Variants in NUP210 observed in about 807,000 individuals in gnomAD.
NUP210 encodes the protein nucleoporin 210, also known as nuclear pore membrane glycoprotein 210.
NUP210 carries 151 observed loss-of-function variants against 196.0 expected under a neutral mutation model. The ratio of observed to expected loss-of-function variants is 0.77; its 90% CI spans 0.67 to 0.88. The LOEUF (loss-of-function observed/expected upper bound fraction) is 0.88. Ranked by LOEUF, NUP210 falls within the 40% of genes least tolerant of loss-of-function variation. The pLI, the probability that NUP210 is intolerant of heterozygous loss-of-function variation, is 0.00. For missense variants in NUP210, 2,314 were observed against 2,493.7 expected, an observed-to-expected ratio of 0.93 and a Z score of 1.53; for synonymous variants, 1,070 against 1,052.7, an observed-to-expected ratio of 1.02 and a Z score of -0.32.
chr3:13,378,761 G>T, intron 8 of NUP210, 151 bp downstream of exon 8: 1 of 645,350 alleles, frequency 1.5e-6, no homozygotes, highest in Non-Finnish European at 2.8e-6. Flanking sequence ...GGAAGGGCTG[G>T]TGAGTGCCCT....
chr3:13,328,011 G>C (rs977255006), intron 31 of NUP210, among the ~76,000 whole-genome samples: 1 of 152,206 alleles, frequency 6.6e-6, no homozygotes, highest in South Asian at 2.1e-4. Flanking sequence ...TGACAGTTTG[G>C]GTTAGGGATC....
At chr3:13,384,920 T>G (rs1224643061) in intron 6 of NUP210, among the ~76,000 whole-genome samples, 1 of 152,180 alleles carries the variant, frequency 6.6e-6, no homozygotes, top group East Asian at 1.9e-4. Context: ...AACATCGGGC[T>G]CTGACCAGGA....
chr3:13,412,884 T>C (rs796626075), intron 1 of NUP210, among the ~76,000 whole-genome samples: 1 of 151,620 alleles, frequency 6.6e-6, no homozygotes, highest in South Asian at 2.1e-4. Context: ...GGCAGGAGAA[T>C]GGCGTGAACC....
rs769193205 is a variant in NUP210, at chr3:13,420,262, G to A, written c.-36C>T. The A allele has an allele frequency of 2.0e-5, 21 of 1,053,964 alleles. No individual in the cohort carries two copies. The highest frequency in any genetic ancestry group is 2.4e-5 in the Non-Finnish European group (21 of 875,654). The allele number at this position is 1,053,964 out of a possible 1,614,324, so 65.3% of individuals were successfully genotyped here. ...CGTCACCTCCCGCGACCCTGCGCCC[G>A]GCCGCCCGCGCCGCCCCGTTGCCCT... On this transcript the variant is annotated 5_prime_UTR_variant, in exon 1 of 40. Transcript: ENST00000254508. The surrounding 1 kb of genome is among the most constrained non-coding windows in gnomAD (Gnocchi z 4.8).
intron 1 of NUP210, among the ~76,000 whole-genome samples, chr3:13,418,743 G>C (rs1415073876): frequency 6.6e-6 from 1 of 151,734 alleles, no homozygotes; most frequent in African/African-American, 2.4e-5. Flanking sequence ...GACAGAGATC[G>C]CGCCATTGCA....
At position 13,330,621 on chromosome 3, in the gene NUP210, A is replaced by AG. The variant is rs1255843527; in HGVS notation, c.3948dup (p.Ser1317LeufsTer19). ...CCATCCAGGACGCGGTAGCTCAGAG[A>AG]GGCTGCACCATCCCTTTGGAAAACA... On this transcript the variant is annotated frameshift_variant, in exon 30 of 40. Transcript: ENST00000254508. LOFTEE classifies it high-confidence loss of function. 1 of 1,614,008 alleles carries AG rather than the reference A, an allele frequency of 6.2e-7. No homozygotes were observed. The highest frequency in any genetic ancestry group is 1.7e-4 in the Middle Eastern group (1 of 6,048).
At chr3:13,386,074 A>G (rs527848508) in intron 6 of NUP210, among the ~76,000 whole-genome samples, 4 of 152,348 alleles carry the variant, frequency 2.6e-5, no homozygotes, top group Middle Eastern at 3.4e-3. Flanking sequence ...GTGTTTAACA[A>G]TGCAGAGCTT....
chr3:13,337,286 G>A (rs1234089805), intron 26 of NUP210, among the ~76,000 whole-genome samples: 1 of 152,162 alleles, frequency 6.6e-6, no homozygotes, highest in Non-Finnish European at 1.5e-5. Flanking sequence ...CCTGCTCACA[G>A]GGCACGTGTG....
intron 36 of NUP210, among the ~76,000 whole-genome samples, chr3:13,321,176 T>C (rs1696513998): frequency 6.6e-6 from 1 of 152,244 alleles, no homozygotes; most frequent in Non-Finnish European, 1.5e-5. Context: ...TCCCACCCCG[T>C]GACTTAGTCA....
rs114914730 is a variant in NUP210 at position 13,414,559 on chromosome 3, C to A, written c.167+5501G>T. Among the ~76,000 whole-genome samples the A allele has an allele frequency of 8.4e-3, 1,282 of 152,314 alleles. 19 individuals are homozygous for A. The highest frequency in any genetic ancestry group is 0.029 in the African/African-American group (1,217 of 41,574). ...CTTCCTGTCTCCTAACCACAGCCCACAAGGTCCCACATGGCCCCGCCCTGC... is the reference window on the plus strand; with the variant it reads ...CTTCCTGTCTCCTAACCACAGCCCAAAAGGTCCCACATGGCCCCGCCCTGC... On this transcript the variant is annotated intron_variant, in intron 1 of 39. Coordinates refer to ENST00000254508, the MANE Select transcript of NUP210 (RefSeq NM_024923.4).
intron 1 of NUP210, among the ~76,000 whole-genome samples, chr3:13,406,483 G>T (rs1700006170): frequency 6.6e-6 from 1 of 152,154 alleles, no homozygotes; most frequent in Non-Finnish European, 1.5e-5. Flanking sequence ...TCAAAACCGG[G>T]TCTGGAGACA....
intron 2 of NUP210, 97 bp from the exon 3 acceptor site, chr3:13,397,585 G>T (rs895947463): frequency 1.5e-6 from 2 of 1,319,696 alleles, no homozygotes; most frequent in Non-Finnish European, 2.0e-6. Flanking sequence ...AAAGACCACG[G>T]CAACCACCAG....
intron 3 of NUP210, 68 bp downstream of exon 3, chr3:13,397,289 C>CCAGAG (rs1699689427): frequency 1.3e-6 from 2 of 1,557,438 alleles, no homozygotes; most frequent in Middle Eastern, 4.5e-4. Context: ...TGCAGAGAGG[C>CCAGAG]CAGAGTCATG....
chr3:13,321,960 T>C (rs1696548805), intron 35 of NUP210, 125 bp from the exon 36 acceptor site: 5 of 1,366,732 alleles, frequency 3.7e-6, no homozygotes, highest in Non-Finnish European at 5.0e-6. Flanking sequence ...AGAAGTCACC[T>C]CCTCCAGGAG....
chr3:13,336,302 C>T (rs919226249), intron 27 of NUP210, among the ~76,000 whole-genome samples: 3 of 152,208 alleles, frequency 2.0e-5, no homozygotes, highest in Non-Finnish European at 4.4e-5. Flanking sequence ...GTACCATTTC[C>T]CCACTGGCTT....
At position 13,319,104 on chromosome 3, in the gene NUP210, G is replaced by T. The variant is rs199653431; in HGVS notation, c.5531C>A (p.Thr1844Lys). The T allele has an allele frequency of 3.1e-6, 5 of 1,608,272 alleles. No homozygotes were observed. The highest frequency in any genetic ancestry group is 3.4e-6 in the Non-Finnish European group (4 of 1,177,882). The change falls in exon 39 of 40, where the codon ACG becomes AAG. Residue 1844 changes from threonine (T) to lysine (K), a missense_variant. By Grantham distance (78) the Thr-to-Lys change is moderately conservative. Coordinates refer to ENST00000254508, the MANE Select transcript of NUP210 (RefSeq NM_024923.4). ...PRDLAVPAAL[T>K]PRASPGHSPH... Reference sequence around the variant, plus strand: ...GCTGTGTCCAGGGCTGGCTCGAGGCGTGAGGGCTGCAGGCACAGCAAGATC... The same window carrying T: ...GCTGTGTCCAGGGCTGGCTCGAGGCTTGAGGGCTGCAGGCACAGCAAGATC...
intron 1 of NUP210, among the ~76,000 whole-genome samples, chr3:13,418,943 C>T (rs1447393770): frequency 8.2e-6 from 1 of 122,022 alleles, no homozygotes; most frequent in East Asian, 2.3e-4. Flanking sequence ...AGCAAAACTC[C>T]GTCTCAAAAA....
chr3:13,341,163 C>G (rs991741693), intron 23 of NUP210: 1 of 152,486 alleles, frequency 6.6e-6, no homozygotes, highest in Non-Finnish European at 1.5e-5. Context: ...TGGGCCACAA[C>G]TGCCATGGCC....
At chr3:13,392,678 C>T (rs951178155) in intron 3 of NUP210, among the ~76,000 whole-genome samples, 4 of 152,256 alleles carry the variant, frequency 2.6e-5, no homozygotes, top group African/African-American at 9.6e-5. Flanking sequence ...TCGCCCAGCA[C>T]AGCCTATTCC....
Sources: allele counts gnomAD v4.1 joint callset (sites outside exome capture counted in the v4.1 genomes callset), GRCh38; gene constraint gnomAD v4.1.1; non-coding constraint Gnocchi (gnomAD v3.1); transcripts MANE v1.5; gene names NCBI Gene and HGNC (gene_info 2026-07-23, HGNC 2026-07-21).